Variants in UNC13C observed in about 807,000 individuals in gnomAD.
The protein encoded by UNC13C is unc-13 homolog C, also known as protein unc-13 homolog C.
Under a neutral mutation model 245.4 loss-of-function variants are expected in UNC13C, and 174 were observed. The ratio of observed to expected loss-of-function variants is 0.71; its 90% CI spans 0.63 to 0.80. The LOEUF (loss-of-function observed/expected upper bound fraction) is 0.80, where lower values mean the gene tolerates loss of function less well. Among genes scored for constraint, UNC13C ranks in the 30% least tolerant of loss-of-function variants. The probability of loss-of-function intolerance (pLI) is 0.00; values close to 1 mark genes in which losing one functional copy is unlikely to be tolerated. For synonymous variants in UNC13C, 992 were observed against 895.1 expected, an observed-to-expected ratio of 1.11 and a Z score of -1.93; for missense variants, 2,829 against 2,602.9, an observed-to-expected ratio of 1.09 and a Z score of -1.89.
intron 4 of UNC13C, among the ~76,000 whole-genome samples, chr15:54,201,564 C>A (rs768238986): frequency 1.3e-5 from 2 of 151,828 alleles, no homozygotes; most frequent in Non-Finnish European, 2.9e-5. Flanking sequence ...AAACAAAAGT[C>A]ACATGATTAT....
chr15:54,299,697 T>C (rs1248178397), intron 12 of UNC13C, among the ~76,000 whole-genome samples: 1 of 152,172 alleles, frequency 6.6e-6, no homozygotes, highest in Non-Finnish European at 1.5e-5. Flanking sequence ...CTCATATTTT[T>C]TGATGTAAGA....
chr15:53,955,637 G>T, the UNC13C span: 1 of 152,160 alleles, frequency 6.6e-6, no homozygotes, highest in Non-Finnish European at 1.5e-5. Context: ...AATGTGTAGG[G>T]ATATAAATGG....
chr15:54,008,232 C>T (rs897616918), intron 1 of UNC13C, among the ~76,000 whole-genome samples: 9 of 152,198 alleles, frequency 5.9e-5, no homozygotes, highest in African/African-American at 2.2e-4. Context: ...CGAGTTTACA[C>T]ACTTTCTGTT....
chr15:54,334,432 T>A (rs1283495784), intron 16 of UNC13C, among the ~76,000 whole-genome samples: 1 of 152,154 alleles, frequency 6.6e-6, no homozygotes, highest in African/African-American at 2.4e-5. Context: ...GCAACTTATG[T>A]AAAGCATTTT....
upstream of UNC13C, among the ~76,000 whole-genome samples, chr15:53,974,121 T>C (rs532685176): frequency 6.6e-6 from 1 of 152,308 alleles, no homozygotes; most frequent in Non-Finnish European, 1.5e-5. Context: ...TTTTGCAAGT[T>C]TTTAAAGATA....
At chr15:54,455,185 C>CTCTCTA (rs1567288779) in intron 19 of UNC13C, among the ~76,000 whole-genome samples, 1 of 42,160 alleles carries the variant, frequency 2.4e-5, no homozygotes, top group Non-Finnish European at 4.7e-5. Context: ...CTCTCTCTCT[C>CTCTCTA]TCTCTCTCTC....
chr15:54,316,924 C>T (rs1198611898), intron 13 of UNC13C, among the ~76,000 whole-genome samples: 1 of 151,898 alleles, frequency 6.6e-6, no homozygotes, highest in Non-Finnish European at 1.5e-5. Context: ...GTATGTGCTT[C>T]TCTTTTAAGA....
At chr15:54,207,336 C>A (rs577206454) in intron 4 of UNC13C, among the ~76,000 whole-genome samples, 1 of 152,054 alleles carries the variant, frequency 6.6e-6, no homozygotes, top group African/African-American at 2.4e-5. Context: ...CAGAAAAAAG[C>A]TGGTTGTTAA....
chr15:54,550,512 A>T (rs1312005456), intron 28 of UNC13C, among the ~76,000 whole-genome samples: 2 of 152,116 alleles, frequency 1.3e-5, no homozygotes, highest in Admixed American at 6.6e-5. Flanking sequence ...GCCATTGAGT[A>T]TTGGATTGTT....
intron 19 of UNC13C, among the ~76,000 whole-genome samples, chr15:54,449,809 C>G (rs887827319): frequency 6.6e-6 from 1 of 152,216 alleles, no homozygotes; most frequent in African/African-American, 2.4e-5. Context: ...TGTTCCACTG[C>G]TGGTGAGGAG....
At chr15:54,384,656 A>G (rs1443155977) in intron 17 of UNC13C, among the ~76,000 whole-genome samples, 2 of 152,042 alleles carry the variant, frequency 1.3e-5, no homozygotes, top group Non-Finnish European at 2.9e-5. Flanking sequence ...ACAAAAATAG[A>G]CTATTGAGAC....
At chr15:54,188,882 C>T (rs539691508) in intron 4 of UNC13C, among the ~76,000 whole-genome samples, 1 of 152,276 alleles carries the variant, frequency 6.6e-6, no homozygotes, top group South Asian at 2.1e-4. Context: ...CAAATCAGAG[C>T]TTATCTTAGG....
intron 1 of UNC13C, among the ~76,000 whole-genome samples, chr15:53,998,984 A>G (rs946359515): frequency 1.3e-5 from 2 of 151,862 alleles, no homozygotes; most frequent in Admixed American, 6.6e-5. Context: ...CTTTTTACAC[A>G]TTTCTATATT....
intron 10 of UNC13C, among the ~76,000 whole-genome samples, chr15:54,282,466 T>C (rs1449305086): frequency 1.3e-5 from 2 of 152,126 alleles, no homozygotes; most frequent in Non-Finnish European, 2.9e-5. Context: ...AAGCCCCATG[T>C]GGGACCTGTG....
intron 2 of UNC13C, among the ~76,000 whole-genome samples, chr15:54,139,879 G>A (rs1258620437): frequency 6.6e-6 from 1 of 151,950 alleles, no homozygotes; most frequent in Non-Finnish European, 1.5e-5. Context: ...ATATGTATGA[G>A]ATGAGGATAC....
chr15:54,616,621 G>C (rs1034592971), intron 30 of UNC13C, among the ~76,000 whole-genome samples: 1 of 151,926 alleles, frequency 6.6e-6, no homozygotes, highest in African/African-American at 2.4e-5. Context: ...ACAGAATAAG[G>C]TTATAAAGAA....
intron 2 of UNC13C, among the ~76,000 whole-genome samples, chr15:54,137,064 G>C (rs2031774508): frequency 6.6e-6 from 1 of 152,056 alleles, no homozygotes; most frequent in Admixed American, 6.6e-5. Context: ...GGCTAGTCTT[G>C]AACTCCTGGG....
chr15:54,361,519 T>A (rs1409259509), intron 17 of UNC13C, among the ~76,000 whole-genome samples: 1 of 152,230 alleles, frequency 6.6e-6, no homozygotes, highest in East Asian at 1.9e-4. Flanking sequence ...GCTGAAGCTT[T>A]GTTGTTTTCC....
chr15:53,899,591 C>CA, the UNC13C span, among the ~76,000 whole-genome samples: 1 of 151,290 alleles, frequency 6.6e-6, no homozygotes, highest in Admixed American at 6.6e-5. Context: ...AGTCTCTCTA[C>CA]TTTTTTTTTA....
Sources: gnomAD v4.1 joint callset for allele counts (sites outside exome capture counted in the v4.1 genomes callset) on GRCh38, gnomAD v4.1.1 for gene constraint, MANE v1.5 for transcripts, NCBI Gene and HGNC (gene_info 2026-07-23, HGNC 2026-07-21) for gene names.